The following CCDC40 variants were observed in gnomAD, a reference collection of about 807,000 sequenced individuals.
The protein encoded by CCDC40 is coiled-coil domain 40 molecular ruler complex subunit.
A neutral mutation model predicts 124.5 loss-of-function variants in CCDC40; 104 were observed. The observed-to-expected ratio is 0.84, with a 90% confidence interval of 0.71 to 0.98. The LOEUF is 0.98. CCDC40 is among the 50% of genes least tolerant of loss of function. The pLI is 0.00. For synonymous variants in CCDC40, 580 were observed against 602.9 expected (o/e 0.96, Z 0.56); for missense variants, 1,463 against 1,503.9 (o/e 0.97, Z 0.45).
At chr17:80,068,025 T>C in intron 10 of CCDC40, 1 of 1,022,744 alleles carries the variant, frequency 9.8e-7, no homozygotes, top group Non-Finnish European at 1.2e-6. Context: ...AGGCCCAACT[T>C]TTATTTATTA....
At chr17:80,095,079 G>A (rs551267507) in intron 17 of CCDC40, among the ~76,000 whole-genome samples, 184 bp from the exon 18 acceptor site, 3 of 152,290 alleles carry the variant, frequency 2.0e-5, no homozygotes, top group South Asian at 2.1e-4. Context: ...TGTGGATTCC[G>A]GGTTCCCACC....
rs1340413586 is a variant in CCDC40, at chr17:80,056,009, TA to T, written c.1160-2484del. On this transcript the variant is annotated intron_variant, in intron 7 of 19. Transcript: ENST00000397545. ...ATATATATATATATATATATATATA[TA>T]TATATATTTTTTTTTTTTTTTGGTA... 3.4e-3 allele frequency among the ~76,000 whole-genome samples: 156 copies of T among 46,348 alleles called. 10 individuals are homozygous for T. The highest frequency in any genetic ancestry group is 0.013 in the African/African-American group (142 of 11,030). 30.4% of individuals were successfully genotyped at this position (46,348 alleles called of 152,430 possible). A position where few individuals can be genotyped will look rare whatever the true frequency, so the allele number is the denominator to read the frequency against.
At position 80,044,710 on chromosome 17, in the gene CCDC40, A is replaced by ATGTGT. The variant is rs1568671585; in HGVS notation, c.553-2569_553-2568insTGTGT. On this transcript the variant is annotated intron_variant, in intron 3 of 19. Coordinates refer to ENST00000397545, the MANE Select transcript of CCDC40 (RefSeq NM_017950.4). ...AAACAAAACAAAACAAACAAACAAA[A>ATGTGT]AAAAAAATATATATATATATATATA... 1.8e-4 allele frequency among the ~76,000 whole-genome samples: 21 copies of ATGTGT among 118,738 alleles called. 1 individual carries two copies. Among genetic ancestry groups the ATGTGT allele is most frequent in the African/African-American group, 8.8e-4 (21 of 23,980 alleles). 77.9% of individuals were successfully genotyped at this position (118,738 alleles called of 152,430 possible). A position where few individuals can be genotyped will look rare whatever the true frequency, so the allele number is the denominator to read the frequency against.
At chr17:80,097,830 G>C (rs2038837456) in intron 19 of CCDC40, 1 of 225,510 alleles carries the variant, frequency 4.4e-6, no homozygotes, top group African/African-American at 2.3e-5. Flanking sequence ...AGCCTGGGAG[G>C]TCGAGACTGC....
chr17:80,090,314 A>T, intron 17 of CCDC40: 1 of 1,285,022 alleles, frequency 7.8e-7, no homozygotes, highest in Non-Finnish European at 1.0e-6. Context: ...TGCACGAACA[A>T]CACGGGACGC....
chr17:80,051,332 AT>A (rs1204447670), intron 7 of CCDC40: 104 of 978,326 alleles, frequency 1.1e-4, no homozygotes, highest in Non-Finnish European at 1.2e-4. Flanking sequence ...GTGGGCACTT[AT>A]CAAGCACCTC....
At chr17:80,057,762 G>C (rs1305392913) in intron 7 of CCDC40, among the ~76,000 whole-genome samples, 1 of 151,994 alleles carries the variant, frequency 6.6e-6, no homozygotes, top group Non-Finnish European at 1.5e-5. Context: ...TGTAGTCCCA[G>C]CTACTCGGGA....
chr17:80,045,428 A>G (rs1437563471), intron 3 of CCDC40, among the ~76,000 whole-genome samples: 1 of 152,128 alleles, frequency 6.6e-6, no homozygotes, highest in Non-Finnish European at 1.5e-5. Context: ...GCTAAAATGG[A>G]TGCCGGGCAC....
chr17:80,097,124 T>C, intron 18 of CCDC40, 121 bp from the exon 19 acceptor site: 1 of 1,100,616 alleles, frequency 9.1e-7, no homozygotes, highest in Non-Finnish European at 1.4e-6. Context: ...CCATTCCTCT[T>C]TGGGAGCCTC....
intron 16 of CCDC40, among the ~76,000 whole-genome samples, chr17:80,088,601 G>A (rs1310601017): frequency 6.6e-6 from 1 of 152,242 alleles, no homozygotes. Context: ...GGGGCCAGGA[G>A]TTCAAGACAA....
intron 3 of CCDC40, among the ~76,000 whole-genome samples, chr17:80,044,707 A>AT (rs2037373283): frequency 1.1e-4 from 3 of 28,206 alleles, no homozygotes; most frequent in South Asian, 8.4e-4. Context: ...ACAAACAAAC[A>AT]AAAAAAAAAA....
At chr17:80,042,178 G>C (rs562144951) in intron 3 of CCDC40, among the ~76,000 whole-genome samples, 3 of 152,114 alleles carry the variant, frequency 2.0e-5, no homozygotes, top group African/African-American at 7.2e-5. Context: ...GAGTGCAGTG[G>C]CATGATCTTG....
chr17:80,092,027 T>TTTGTC (rs1015005562), intron 17 of CCDC40: 2 of 152,126 alleles, frequency 1.3e-5, no homozygotes, highest in Admixed American at 1.3e-4. Context: ...TTTGTTTTGT[T>TTTGTC]TTGTCTGTTT....
intron 9 of CCDC40, among the ~76,000 whole-genome samples, chr17:80,059,265 G>A (rs1448998219): frequency 2.0e-5 from 3 of 152,184 alleles, no homozygotes; most frequent in Non-Finnish European, 4.4e-5. Context: ...TTGCTGCGGG[G>A]ATGCTCAGCA....
rs1357298263 is a variant in CCDC40, at chr17:80,040,112, G to A, written c.394G>A (p.Val132Ile). 1.9e-6 allele frequency: 3 copies of A among 1,614,202 alleles called. No individual in the cohort carries two copies. Among genetic ancestry groups the A allele is most frequent in the Non-Finnish European group, 1.7e-6 (2 of 1,180,034 alleles). ...GCCTGGAGAGGAGGCATACGATAGT[G>A]TTAGCGGGGAGGCTGGTCTCCAAGG... The part of the protein sequence containing the change: ...ELPGEEAYDS[V>I]SGEAGLQGFQ... Residue 132 changes from valine to isoleucine, a missense_variant, in exon 3 of 20, where the codon GTT becomes ATT. Physicochemically the swap from Val to Ile is conservative, Grantham distance 29. Coordinates refer to ENST00000397545, the MANE Select transcript of CCDC40 (RefSeq NM_017950.4).
Position 80,088,088 on chromosome 17 carries a change from A to G in CCDC40, c.2697A>G (p.Gln899=), listed in dbSNP as rs989026751. ...LSEEKATLLN[Q]LVEAEHQIML... ...AGGAGAAGGCGACCCTCCTGAATCA[A>G]CTGGTGGAAGCAGAGTGAGTCCCAG... The change falls in exon 16 of 20, where the codon CAA becomes CAG. Residue 899 remains glutamine (Q), a synonymous_variant. Coordinates refer to ENST00000397545, the MANE Select transcript of CCDC40 (RefSeq NM_017950.4). 22 of 1,613,390 alleles carry G rather than the reference A, an allele frequency of 1.4e-5. No homozygotes were observed. Among genetic ancestry groups the G allele is most frequent in the Non-Finnish European group, 1.8e-5 (21 of 1,179,448 alleles).
In CCDC40 at chr17:80,066,398, GAAAC is replaced by G. The variant is rs2038048125; in HGVS notation, c.1562+793_1562+796del. On this transcript the variant is annotated intron_variant, in intron 10 of 19. Coordinates refer to ENST00000397545, the MANE Select transcript of CCDC40 (RefSeq NM_017950.4). The surrounding 1 kb of genome is among the most constrained non-coding windows in gnomAD (Gnocchi z 4.4). ...GGTGCTGTGATTAAAGAAACAAAAT[GAAAC>G]CATTTTGTTTTTAAAAGTTTTTAGA... 1.8e-6 allele frequency: 1 copy of G among 543,764 alleles called. No homozygotes were observed. 33.7% of individuals were successfully genotyped at this position (543,764 alleles called of 1,614,324 possible).
chr17:80,087,012 CAG>C lies in CCDC40; in HGVS notation c.2450-588_2450-587del, dbSNP rs1470242420. 2 of 180,650 alleles carry C rather than the reference CAG, an allele frequency of 1.1e-5. No homozygotes were observed. Among genetic ancestry groups the C allele is most frequent in the African/African-American group, 4.7e-5 (2 of 42,442 alleles). 11.2% of individuals were successfully genotyped at this position (180,650 alleles called of 1,614,324 possible). A position where few individuals can be genotyped will look rare whatever the true frequency, so the allele number is the denominator to read the frequency against. On this transcript the variant is annotated intron_variant, in intron 14 of 19. Transcript: ENST00000397545. The surrounding 1 kb of genome is among the most constrained non-coding windows in gnomAD (Gnocchi z 4.5). Reference sequence around the variant, plus strand: ...TGGGGAGGATCACCCATGGAGAGGGCAGAGAGAGGGGCTCACATGCCCATGTC... The same window carrying C: ...TGGGGAGGATCACCCATGGAGAGGGCAGAGAGGGGCTCACATGCCCATGTC...
At chr17:80,045,806 C>A (rs2037406090) in intron 3 of CCDC40, among the ~76,000 whole-genome samples, 1 of 151,254 alleles carries the variant, frequency 6.6e-6, no homozygotes, top group South Asian at 2.1e-4. Context: ...ACTCTGCAAA[C>A]CCCACAATGT....
Sources: allele counts gnomAD v4.1 joint callset (sites outside exome capture counted in the v4.1 genomes callset), GRCh38; gene constraint gnomAD v4.1.1; non-coding constraint Gnocchi (gnomAD v3.1); transcripts MANE v1.5; gene names NCBI Gene and HGNC (gene_info 2026-07-23, HGNC 2026-07-21).